The following SPIRE1 variants were observed in gnomAD, a reference collection of about 807,000 sequenced individuals.
SPIRE1 encodes the protein protein spire homolog 1.
In SPIRE1, 40 loss-of-function variants were observed where a neutral mutation model predicts 94.1. The observed-to-expected ratio is 0.43, with a 90% CI of 0.33 to 0.55. The LOEUF (loss-of-function observed/expected upper bound fraction) is 0.55. Ranked by LOEUF, SPIRE1 falls within the 20% of genes least tolerant of loss-of-function variation. SPIRE1 has a pLI of 0.06. For missense variants in SPIRE1, 838 were observed against 975.2 expected (o/e 0.86, Z 1.87); for synonymous variants, 376 against 371.7 (o/e 1.01, Z -0.13).
At chr18:12,467,099 G>C (rs1198542936) in intron 10 of SPIRE1, among the ~76,000 whole-genome samples, 1 of 152,154 alleles carries the variant, frequency 6.6e-6, no homozygotes, top group Non-Finnish European at 1.5e-5. Context: ...GGCCAACATG[G>C]TGAAATCCTG....
Position 12,463,459 on chromosome 18 carries a change from G to T in SPIRE1, c.1530C>A (p.Pro510=), listed in dbSNP as rs2031957564. Residue 510 remains proline (P), a synonymous_variant, in exon 12 of 17, where the codon CCC becomes CCA. Transcript: ENST00000409402. ...GGGGTGGCTGCCGTCTCTCTGGCTG[G>T]GGTGTTGATGATATGGGCAGGAATT... ...PPKFLPISST[P]QPERRQPPQR... is the part of the protein sequence containing the mutation. 1.2e-6 allele frequency: 2 copies of T among 1,613,678 alleles called. No individual in the cohort carries two copies. Among genetic ancestry groups the T allele is most frequent in the Admixed American group, 1.7e-5 (1 of 60,024 alleles).
At chr18:12,538,545 T>G (rs2034910143) in intron 3 of SPIRE1, among the ~76,000 whole-genome samples, 1 of 152,148 alleles carries the variant, frequency 6.6e-6, no homozygotes, top group Admixed American at 6.5e-5. Flanking sequence ...TCTAATGGCT[T>G]TAAATGCCAC....
intron 12 of SPIRE1, among the ~76,000 whole-genome samples, chr18:12,462,226 A>G (rs961590253): frequency 1.3e-5 from 2 of 152,236 alleles, no homozygotes; most frequent in Admixed American, 1.3e-4. Flanking sequence ...AGCTCTGTTC[A>G]AAATCCCTGT....
At position 12,467,160 on chromosome 18, in the gene SPIRE1, C is replaced by T. The variant is rs564596786; in HGVS notation, c.1405-2202G>A. On this transcript the variant is annotated intron_variant, in intron 10 of 16. Coordinates refer to ENST00000409402, the MANE Select transcript of SPIRE1 (RefSeq NM_001128626.2). ...CTGGATGGTGGCAGGCGCCTGTAATCCCAGCTACTTGGGAGGCTGAGGCAT... is the reference window on the plus strand; with the variant it reads ...CTGGATGGTGGCAGGCGCCTGTAATTCCAGCTACTTGGGAGGCTGAGGCAT... Among the ~76,000 whole-genome samples the T allele has an allele frequency of 9.2e-5, 14 of 152,268 alleles. No individual in the cohort carries two copies. The East Asian group carries it at 2.7e-3, about 29-fold the overall frequency.
chr18:12,500,379 T>C (rs558910893), intron 6 of SPIRE1, among the ~76,000 whole-genome samples: 1 of 152,142 alleles, frequency 6.6e-6, no homozygotes, highest in African/African-American at 2.4e-5. Flanking sequence ...TTGTGAATCA[T>C]CAGGGAAATG....
intron 7 of SPIRE1, among the ~76,000 whole-genome samples, chr18:12,494,695 C>T (rs1222924906): frequency 5.3e-5 from 8 of 151,292 alleles, no homozygotes; most frequent in East Asian, 1.9e-4. Context: ...AAAAATTAGC[C>T]GGGCATGGTG....
At chr18:12,543,470 T>C (rs1046524145) in intron 3 of SPIRE1, among the ~76,000 whole-genome samples, 7 of 152,194 alleles carry the variant, frequency 4.6e-5, no homozygotes, top group African/African-American at 1.4e-4. Flanking sequence ...ATGTTAGAAC[T>C]TTGAAGATAG....
At chr18:12,466,115 G>A (rs2032086495) in intron 10 of SPIRE1, among the ~76,000 whole-genome samples, 2 of 151,632 alleles carry the variant, frequency 1.3e-5, no homozygotes. Context: ...AAAGAAAAAT[G>A]TCTACATCGT....
intron 2 of SPIRE1, among the ~76,000 whole-genome samples, chr18:12,561,460 T>C (rs2035683118): frequency 1.3e-5 from 2 of 152,054 alleles, no homozygotes; most frequent in South Asian, 4.2e-4. Context: ...GAGACGGGGT[T>C]TCTCCATGTT....
intron 2 of SPIRE1, among the ~76,000 whole-genome samples, chr18:12,556,332 A>C (rs1040865218): frequency 6.6e-6 from 1 of 152,256 alleles, no homozygotes; most frequent in Admixed American, 6.5e-5. Flanking sequence ...ATGGAACCAC[A>C]AAAGATCCAG....
At chr18:12,466,167 C>T (rs2032088777) in intron 10 of SPIRE1, among the ~76,000 whole-genome samples, 1 of 151,916 alleles carries the variant, frequency 6.6e-6, no homozygotes, top group Non-Finnish European at 1.5e-5. Context: ...GAGAAGAGAT[C>T]CTAACTTGTT....
chr18:12,621,690 T>C (rs903885037), intron 2 of SPIRE1, among the ~76,000 whole-genome samples: 2 of 152,224 alleles, frequency 1.3e-5, no homozygotes, highest in African/African-American at 2.4e-5. Flanking sequence ...AGATTAGTGA[T>C]TGCTGGGGCT....
At chr18:12,595,108 T>C (rs1185415916) in intron 2 of SPIRE1, among the ~76,000 whole-genome samples, 2 of 151,990 alleles carry the variant, frequency 1.3e-5, no homozygotes, top group Non-Finnish European at 2.9e-5. Flanking sequence ...TGAGACCCTG[T>C]CTCTACCAAC....
chr18:12,591,907 T>C (rs1470366426), intron 2 of SPIRE1, among the ~76,000 whole-genome samples: 1 of 140,486 alleles, frequency 7.1e-6, no homozygotes, highest in Non-Finnish European at 1.5e-5. Flanking sequence ...AGGCAGAGCT[T>C]GCAGTGAGCC....
intron 1 of SPIRE1, among the ~76,000 whole-genome samples, chr18:12,652,788 A>T (rs1234888108): frequency 6.6e-6 from 1 of 152,228 alleles, no homozygotes; most frequent in Non-Finnish European, 1.5e-5. Context: ...ACTGAATCTA[A>T]CCATTCTCAG....
At chr18:12,661,244 C>G (rs1235203180), upstream of SPIRE1, 2 of 286,028 alleles carry the variant, frequency 7.0e-6, no homozygotes, top group African/African-American at 4.6e-5. Flanking sequence ...GGAGGCGGAG[C>G]GTGCAGTGAG....
At chr18:12,511,761 A>G (rs966232064) in intron 5 of SPIRE1, among the ~76,000 whole-genome samples, 10 of 151,956 alleles carry the variant, frequency 6.6e-5, no homozygotes, top group African/African-American at 2.2e-4. Context: ...GTCTCACTCT[A>G]TTGACCAGGC....
At chr18:12,657,405 CG>C (rs964426654) in intron 1 of SPIRE1, 124 bp downstream of exon 1, 230 of 786,480 alleles carry the variant, frequency 2.9e-4, no homozygotes, top group Non-Finnish European at 3.8e-4. Context: ...CGGATCCTCC[CG>C]GGGGTCTCCC....
At chr18:12,451,029 A>T in intron 16 of SPIRE1, 1 of 383,362 alleles carries the variant, frequency 2.6e-6, no homozygotes. Context: ...GAAGGAGGGG[A>T]GGAGGAGGAG....
Sources: gnomAD v4.1 joint callset for allele counts (sites outside exome capture counted in the v4.1 genomes callset) on GRCh38, gnomAD v4.1.1 for gene constraint, MANE v1.5 for transcripts, NCBI Gene and HGNC (gene_info 2026-07-23, HGNC 2026-07-21) for gene names.